The following SLC4A10 variants were observed in gnomAD, a reference collection of about 807,000 sequenced individuals.
The protein encoded by SLC4A10 is solute carrier family 4 member 10, also known as sodium-driven chloride bicarbonate exchanger.
SLC4A10 carries 42 observed loss-of-function variants against 137.7 expected under a neutral mutation model. The ratio of observed to expected loss-of-function variants is 0.30; its 90% CI spans 0.24 to 0.39. The LOEUF (loss-of-function observed/expected upper bound fraction) is 0.39, where lower values mean the gene tolerates loss of function less well. Ranked by LOEUF, SLC4A10 falls within the 10% of genes least tolerant of loss-of-function variation. The pLI is 1.00. For synonymous variants in SLC4A10, 474 were observed against 464.1 expected, an observed-to-expected ratio of 1.02 and a Z score of -0.27; for missense variants, 925 against 1,355.0, an observed-to-expected ratio of 0.68 and a Z score of 4.98.
intron 10 of SLC4A10, among the ~76,000 whole-genome samples, chr2:161,887,069 G>T (rs141857179): frequency 0.029 from 4,436 of 151,944 alleles, 194 homozygotes; most frequent in African/African-American, 0.1. Flanking sequence ...GTGTTAGTTT[G>T]CTGAGAGTGA....
In SLC4A10 at chr2:161,678,148, T is replaced by C. The variant is rs181138093; in HGVS notation, c.48+53582T>C. Among the ~76,000 whole-genome samples, 51 of 152,296 alleles carry C rather than the reference T, an allele frequency of 3.3e-4. No homozygotes were observed. In the East Asian group the frequency reaches 9.3e-3, roughly 28 times the overall value. ...CTGACTTCCTTTAGGCCCAAATGAATTCCTCCGAGGACTCATATCTGTCCT... is the reference window on the plus strand; with the variant it reads ...CTGACTTCCTTTAGGCCCAAATGAACTCCTCCGAGGACTCATATCTGTCCT... On this transcript the variant is annotated intron_variant, in intron 1 of 26. Coordinates refer to ENST00000446997, the MANE Select transcript of SLC4A10 (RefSeq NM_001178015.2).
intron 10 of SLC4A10, among the ~76,000 whole-genome samples, chr2:161,890,068 G>A (rs1232116219): frequency 6.6e-6 from 1 of 152,158 alleles, no homozygotes; most frequent in Non-Finnish European, 1.5e-5. Context: ...TCAGGAGCAG[G>A]TTATTCAGTT....
intron 1 of SLC4A10, among the ~76,000 whole-genome samples, chr2:161,739,790 G>C (rs756508033): frequency 2.6e-5 from 4 of 152,140 alleles, no homozygotes; most frequent in Non-Finnish European, 4.4e-5. Context: ...TACTTGGATT[G>C]AGCTCATCTC....
At chr2:161,948,847 T>G (rs1694297653) in intron 17 of SLC4A10, among the ~76,000 whole-genome samples, 1 of 152,116 alleles carries the variant, frequency 6.6e-6, no homozygotes, top group East Asian at 1.9e-4. Context: ...AATATTCACA[T>G]GCATGGGTTC....
intron 24 of SLC4A10, among the ~76,000 whole-genome samples, chr2:161,974,806 T>G (rs1467898521): frequency 6.6e-6 from 1 of 152,164 alleles, no homozygotes; most frequent in East Asian, 1.9e-4. Context: ...TTTCTAATCT[T>G]CTTTATGTAC....
intron 1 of SLC4A10, among the ~76,000 whole-genome samples, chr2:161,714,322 C>T (rs554596391): frequency 6.6e-6 from 1 of 151,898 alleles, no homozygotes; most frequent in Non-Finnish European, 1.5e-5. Context: ...CCTTGAATAT[C>T]ATTGGGCTTC....
intron 1 of SLC4A10, among the ~76,000 whole-genome samples, chr2:161,674,993 A>G (rs963373654): frequency 2.0e-5 from 3 of 152,230 alleles, no homozygotes; most frequent in African/African-American, 7.2e-5. Flanking sequence ...CTTCCAAGTT[A>G]TAGCAGCTTA....
At chr2:161,871,322 G>A (rs2061104762) in intron 6 of SLC4A10, among the ~76,000 whole-genome samples, 1 of 151,742 alleles carries the variant, frequency 6.6e-6, no homozygotes. Context: ...GTGAATAAAA[G>A]CAGTATTTTG....
chr2:161,648,021 T>A (rs2036291856), intron 1 of SLC4A10, among the ~76,000 whole-genome samples: 1 of 152,250 alleles, frequency 6.6e-6, no homozygotes, highest in Non-Finnish European at 1.5e-5. Flanking sequence ...ACTATATCTA[T>A]GATCTCATTT....
intron 3 of SLC4A10, among the ~76,000 whole-genome samples, chr2:161,822,171 G>A (rs1279160370): frequency 1.3e-5 from 2 of 152,150 alleles, no homozygotes; most frequent in Non-Finnish European, 1.5e-5. Context: ...ACACTAATAA[G>A]CCTTAAAATT....
At chr2:161,956,178 A>G (rs951639241) in intron 19 of SLC4A10, among the ~76,000 whole-genome samples, 2 of 152,192 alleles carry the variant, frequency 1.3e-5, no homozygotes, top group African/African-American at 2.4e-5. Flanking sequence ...ATTATTCCAA[A>G]TGATTTACAA....
At chr2:161,712,652 G>T (rs1369449684) in intron 1 of SLC4A10, among the ~76,000 whole-genome samples, 1 of 151,776 alleles carries the variant, frequency 6.6e-6, no homozygotes, top group East Asian at 1.9e-4. Flanking sequence ...ATTTTGAATT[G>T]CTGGTGATTA....
chr2:161,706,758 G>C (rs2043710831), intron 1 of SLC4A10, among the ~76,000 whole-genome samples: 1 of 151,486 alleles, frequency 6.6e-6, no homozygotes. Flanking sequence ...AACCTATGTT[G>C]TATTTGCCAT....
At chr2:161,704,294 TAAAC>T (rs1378308820) in intron 1 of SLC4A10, among the ~76,000 whole-genome samples, 2 of 151,690 alleles carry the variant, frequency 1.3e-5, no homozygotes, top group African/African-American at 4.8e-5. Context: ...AGTGTGAAAG[TAAAC>T]AATCAATCAC....
At chr2:161,661,831 CAA>C (rs759153949) in intron 1 of SLC4A10, among the ~76,000 whole-genome samples, 56 of 151,460 alleles carry the variant, frequency 3.7e-4, no homozygotes, top group Middle Eastern at 3.4e-3. Flanking sequence ...AAGATTTCAG[CAA>C]AAAAAATATA....
At chr2:161,858,249 A>G (rs2060212886) in intron 5 of SLC4A10, among the ~76,000 whole-genome samples, 2 of 152,274 alleles carry the variant, frequency 1.3e-5, no homozygotes, top group South Asian at 4.1e-4. Flanking sequence ...TTTTTCAGAC[A>G]TTTCCTACTA....
chr2:161,726,139 AAGG>A (rs1309835035), intron 1 of SLC4A10, among the ~76,000 whole-genome samples: 1 of 152,222 alleles, frequency 6.6e-6, no homozygotes, highest in Non-Finnish European at 1.5e-5. Flanking sequence ...GGGCAACAAA[AAGG>A]AGATTTCTGA....
At chr2:161,710,931 T>C (rs961740378) in intron 1 of SLC4A10, among the ~76,000 whole-genome samples, 2 of 151,828 alleles carry the variant, frequency 1.3e-5, no homozygotes, top group African/African-American at 4.8e-5. Context: ...CATTTTGAAT[T>C]GATTTTTGAT....
At chr2:161,891,286 TCTC>T (rs2062887135) in intron 10 of SLC4A10, among the ~76,000 whole-genome samples, 1 of 152,144 alleles carries the variant, frequency 6.6e-6, no homozygotes, top group South Asian at 2.1e-4. Context: ...GGGTTTCTCT[TCTC>T]GAGGAGTATC....
Sources: allele counts gnomAD v4.1 joint callset (sites outside exome capture counted in the v4.1 genomes callset), GRCh38; gene constraint gnomAD v4.1.1; transcripts MANE v1.5; gene names NCBI Gene and HGNC (gene_info 2026-07-23, HGNC 2026-07-21).